The following KDM6A variants were observed in gnomAD, a reference collection of about 807,000 sequenced individuals.
KDM6A encodes the protein lysine demethylase 6A, also known as lysine-specific demethylase 6A.
KDM6A carries 11 observed loss-of-function variants against 117.6 expected under a neutral mutation model. The observed-to-expected ratio is 0.09, with a 90% CI of 0.06 to 0.15. The LOEUF is 0.15. Among genes scored for constraint, KDM6A ranks in the 10% least tolerant of loss-of-function variants. The probability of loss-of-function intolerance (pLI) is 1.00; values close to 1 mark genes in which losing one functional copy is unlikely to be tolerated. For synonymous variants in KDM6A, 384 were observed against 396.1 expected (o/e 0.97, Z 0.36); for missense variants, 799 against 1,077.3 (o/e 0.74, Z 3.62).
intron 2 of KDM6A, among the ~76,000 whole-genome samples, chrX:44,908,544 G>A (rs186286573): frequency 4.1e-4 from 46 of 111,380 alleles, no homozygotes; most frequent in African/African-American, 1.2e-3. Context: ...AGCGTGGCTC[G>A]TTTAAGGTAG....
At chrX:44,887,776 A>C (rs1195620705) in intron 2 of KDM6A, among the ~76,000 whole-genome samples, 1 of 111,108 alleles carries the variant, frequency 9.0e-6, no homozygotes, top group Non-Finnish European at 1.9e-5. Flanking sequence ...AGATTGGAAA[A>C]CTGAAGACCT....
At chrX:45,003,844 C>T (rs1444400793) in intron 4 of KDM6A, among the ~76,000 whole-genome samples, 1 of 104,676 alleles carries the variant, frequency 9.6e-6, no homozygotes, top group African/African-American at 3.5e-5. Context: ...TTTCCTCTCT[C>T]CCCTGCCTTC....
chrX:45,094,365 T>C (rs2046014300), intron 27 of KDM6A, among the ~76,000 whole-genome samples: 1 of 111,533 alleles, frequency 9.0e-6, no homozygotes. Context: ...AAGAATGTAT[T>C]TTGTGTGATG....
At chrX:44,881,744 A>G (rs1251008709) in intron 2 of KDM6A, among the ~76,000 whole-genome samples, 3 of 107,035 alleles carry the variant, frequency 2.8e-5, no homozygotes, top group Admixed American at 1.0e-4. Flanking sequence ...CTGCAGTGCA[A>G]TGTCGCAATC....
chrX:44,990,478 A>C (rs1023774675), intron 4 of KDM6A, among the ~76,000 whole-genome samples: 6 of 109,999 alleles, frequency 5.5e-5, no homozygotes, highest in Admixed American at 2.0e-4. Flanking sequence ...TGAACCCTGG[A>C]GGTGGAGGAT....
At chrX:45,074,593 A>G (rs994620411) in intron 18 of KDM6A, among the ~76,000 whole-genome samples, 26 of 111,900 alleles carry the variant, frequency 2.3e-4, no homozygotes, top group African/African-American at 7.8e-4. Flanking sequence ...TGAATGCACT[A>G]TTGGATACCC....
intron 2 of KDM6A, among the ~76,000 whole-genome samples, chrX:44,932,175 A>G (rs1417573609): frequency 2.4e-5 from 2 of 82,106 alleles, no homozygotes; most frequent in African/African-American, 5.1e-5. Context: ...GCTTACTGCA[A>G]CCTCCACCTC....
intron 6 of KDM6A, among the ~76,000 whole-genome samples, chrX:45,021,827 A>G (rs1375307342): frequency 8.9e-6 from 1 of 111,805 alleles, no homozygotes. Context: ...TGCAGGGTGC[A>G]GGTAGTGTGG....
chrX:44,914,463 A>G (rs1319149948), intron 2 of KDM6A, among the ~76,000 whole-genome samples: 1 of 111,802 alleles, frequency 8.9e-6, no homozygotes, highest in East Asian at 2.8e-4. Context: ...GAAGTTTTTT[A>G]TGTCTCAGAT....
rs2044718579 is a variant in KDM6A, at chrX:45,069,590, A to G, written c.2091A>G (p.Lys697=). The G allele has an allele frequency of 8.3e-7, 1 of 1,208,594 alleles. No homozygotes were observed. The highest frequency in any genetic ancestry group is 2.2e-5 in the Admixed American group (1 of 45,655). The part of the protein sequence containing the change: ...QLSNSTQGLH[K]GQSSHSAGPN... ...TTCTTTCTTTTTAGGGGCTTCACAA[A>G]GGTCAGAGTTCACATTCGGCAGGTC... Residue 697 remains lysine (K), a synonymous_variant, in exon 18 of 30, where the codon AAA becomes AAG. Transcript: ENST00000611820.
At chrX:44,992,020 T>TTATAAAAAAATATTTTCCCTCCATATA (rs1159823970) in intron 4 of KDM6A, among the ~76,000 whole-genome samples, 8 of 110,028 alleles carry the variant, frequency 7.3e-5, no homozygotes, top group Non-Finnish European at 1.3e-4. Flanking sequence ...CCATCAGGGC[T>TTATAAAAAAATATTTTCCCTCCATATA]TATAAAAAAA....
chrX:45,040,282 C>T (rs1166971706), intron 8 of KDM6A, among the ~76,000 whole-genome samples: 6 of 99,299 alleles, frequency 6.0e-5, no homozygotes, highest in Non-Finnish European at 1.2e-4. Context: ...CTGACCCCCC[C>T]ACCTCCCTCC....
intron 28 of KDM6A, among the ~76,000 whole-genome samples, chrX:45,109,023 G>A (rs745377714): frequency 9.7e-6 from 1 of 102,732 alleles, no homozygotes; most frequent in Admixed American, 1.1e-4. Context: ...AATGCTAGAT[G>A]ATGAGTTAGT....
In KDM6A at chrX:44,984,129, T is replaced by A. The variant is rs766336444; in HGVS notation, c.384+9414T>A. On this transcript the variant is annotated intron_variant, in intron 4 of 29. Transcript: ENST00000611820. Reference sequence around the variant, plus strand: ...TAACTGGTGTGAGATGGTATCTCATTGTGGTTTTGATTTGCATTTCTCTGA... The same window carrying A: ...TAACTGGTGTGAGATGGTATCTCATAGTGGTTTTGATTTGCATTTCTCTGA... Among the ~76,000 whole-genome samples, 8 of 110,061 alleles carry A rather than the reference T, an allele frequency of 7.3e-5. No homozygotes were observed. The East Asian group carries it at 2.3e-3, about 31-fold the overall frequency.
intron 10 of KDM6A, among the ~76,000 whole-genome samples, chrX:45,058,221 A>G (rs1022195683): frequency 2.3e-4 from 25 of 108,293 alleles, no homozygotes; most frequent in African/African-American, 7.0e-4. Context: ...TCAGTCCTCA[A>G]CTAAATTGTA....
At chrX:45,055,100 T>G (rs1197006934) in intron 10 of KDM6A, among the ~76,000 whole-genome samples, 1 of 111,293 alleles carries the variant, frequency 9.0e-6, no homozygotes, top group Admixed American at 9.6e-5. Context: ...AGGTTCCAAT[T>G]TTATGACTTC....
At position 45,088,624 on chromosome X, in the gene KDM6A, C is replaced by T. The variant is rs189586618; in HGVS notation, c.3705-1119C>T. Among the ~76,000 whole-genome samples, 25 of 113,261 alleles carry T rather than the reference C, an allele frequency of 2.2e-4. No individual in the cohort carries two copies. In the East Asian group the frequency reaches 6.1e-3, roughly 28 times the overall value. ...GTATACTTTATCATGTGCTATAGCA[C>T]AAGACAAATAAAGTAAGATTATTTC... On this transcript the variant is annotated intron_variant, in intron 25 of 29. Transcript: ENST00000611820.
At chrX:45,100,844 CT>C (rs1225443312) in intron 27 of KDM6A, among the ~76,000 whole-genome samples, 74 of 102,228 alleles carry the variant, frequency 7.2e-4, no homozygotes, top group African/African-American at 5.3e-4. Flanking sequence ...TTTCTTTCTT[CT>C]TTTTTTTTTT....
intron 3 of KDM6A, among the ~76,000 whole-genome samples, chrX:44,963,440 A>AGTGT (rs747821170): frequency 0.058 from 4,036 of 69,738 alleles, 232 homozygotes; most frequent in East Asian, 0.24. Context: ...AGGGTGACAG[A>AGTGT]GTGTGTGTGT....
Sources: allele counts gnomAD v4.1 joint callset (sites outside exome capture counted in the v4.1 genomes callset), GRCh38; gene constraint gnomAD v4.1.1; transcripts MANE v1.5; gene names NCBI Gene and HGNC (gene_info 2026-07-23, HGNC 2026-07-21).